Variants in ATG14 observed in about 807,000 individuals in gnomAD.
The protein encoded by ATG14 is beclin 1-associated autophagy-related key regulator.
In ATG14, 35 loss-of-function variants were observed where a neutral mutation model predicts 60.4. The ratio of observed to expected loss-of-function variants is 0.58; its 90% CI spans 0.44 to 0.77. ATG14 has a LOEUF of 0.77. Among genes scored for constraint, ATG14 ranks in the 30% least tolerant of loss-of-function variants. ATG14 has a pLI of 0.00. For synonymous variants in ATG14, 234 were observed against 228.8 expected, an observed-to-expected ratio of 1.02 and a Z score of -0.21; for missense variants, 647 against 626.3, an observed-to-expected ratio of 1.03 and a Z score of -0.35.
intron 9 of ATG14, among the ~76,000 whole-genome samples, chr14:55,375,199 A>C (rs1884894839): frequency 1.3e-5 from 2 of 152,216 alleles, no homozygotes; most frequent in Admixed American, 1.3e-4. Flanking sequence ...ATCATTTTAC[A>C]TATATTTTAT....
chr14:55,411,476 T>C, intron 1 of ATG14, 126 bp downstream of exon 1: 4 of 931,930 alleles, frequency 4.3e-6, no homozygotes, highest in Non-Finnish European at 6.4e-6. Flanking sequence ...CTAGCTACAC[T>C]CCCTCTCTCT....
chr14:55,395,094 T>C, intron 3 of ATG14: 4 of 503,914 alleles, frequency 7.9e-6, no homozygotes, highest in Admixed American at 6.4e-5. Context: ...CTTTTTTGTC[T>C]GAAGATTTAT....
intron 9 of ATG14, among the ~76,000 whole-genome samples, chr14:55,376,506 C>T (rs1164024185): frequency 2.0e-5 from 3 of 152,032 alleles, no homozygotes; most frequent in South Asian, 2.1e-4. Flanking sequence ...AGTTTCCTGG[C>T]GAGTTCACAG....
chr14:55,382,127 C>G lies in ATG14; in HGVS notation c.712G>C (p.Ala238Pro). ...AGGTAAGTTGTCCTCCGGGCTTCAG[C>G]AAGCTTGCTCACAGTGCTGGAGGTC... ...AMTSSTVSKLAEARRTTYLSG... is the reference protein window; with the variant it reads ...AMTSSTVSKLPEARRTTYLSG... The change falls in exon 6 of 10, where the codon GCT becomes CCT. Residue 238 changes from alanine to proline, a missense_variant. Ala to Pro is a conservative substitution (Grantham distance 27). Coordinates refer to ENST00000247178, the MANE Select transcript of ATG14 (RefSeq NM_014924.5). The G allele has an allele frequency of 6.2e-7, 1 of 1,614,116 alleles. No homozygotes were observed. Among genetic ancestry groups the G allele is most frequent in the Non-Finnish European group, 8.5e-7 (1 of 1,180,026 alleles).
At chr14:55,378,238 A>G (rs533354551) in intron 7 of ATG14, among the ~76,000 whole-genome samples, 164 bp from the exon 8 acceptor site, 1 of 152,372 alleles carries the variant, frequency 6.6e-6, no homozygotes, top group South Asian at 2.1e-4. Context: ...CCCCTCAGAG[A>G]ACAATTATAC....
At position 55,380,686 on chromosome 14, in the gene ATG14, C is replaced by T. The variant is rs1018126306; in HGVS notation, c.882G>A (p.Met294Ile). 2 of 1,595,132 alleles carry T rather than the reference C, an allele frequency of 1.3e-6. No individual in the cohort carries two copies. Among genetic ancestry groups the T allele is most frequent in the Non-Finnish European group, 1.7e-6 (2 of 1,171,046 alleles). ...EEKKTTQGPD[M>I]EQSNPAYTIS... ...TGGTGTAGGCAGGGTTACTCTGCTC[C>T]ATGTCTGCAGTAAGAAAACAACCAC... is the stretch of plus-strand genomic sequence containing the variant. Residue 294 changes from methionine to isoleucine, a missense_variant, in exon 7 of 10, where the codon ATG (methionine) becomes ATA (isoleucine). Transcript: ENST00000247178.
chr14:55,372,896 GC>G (rs1259760659), intron 9 of ATG14, among the ~76,000 whole-genome samples: 1 of 152,164 alleles, frequency 6.6e-6, no homozygotes, highest in Non-Finnish European at 1.5e-5. Context: ...CGGAGCAGGC[GC>G]TCAGCTAAGT....
chr14:55,372,120 C>T lies in ATG14; in HGVS notation c.1173-2195G>A, dbSNP rs1884832923. On this transcript the variant is annotated intron_variant, in intron 9 of 9. Coordinates refer to ENST00000247178, the MANE Select transcript of ATG14 (RefSeq NM_014924.5). ...AAATATCCTCTGGTTACTAAACCCT[C>T]AGGCTCATCTCACATATCTGAACCA... Among the ~76,000 whole-genome samples, 3 of 152,162 alleles carry T rather than the reference C, an allele frequency of 2.0e-5. No individual in the cohort carries two copies. The South Asian group carries it at 6.2e-4, about 32-fold the overall frequency.
At position 55,388,588 on chromosome 14, in the gene ATG14, T is replaced by C. The variant is rs546440741; in HGVS notation, c.409+2323A>G. Among the ~76,000 whole-genome samples, 83 of 152,380 alleles carry C rather than the reference T, an allele frequency of 5.4e-4. 6 individuals are homozygous for C. In the South Asian group the frequency reaches 0.017, roughly 31 times the overall value. ...CCTATATCTGTATTATACTATATAA[T>C]GTATATCATGAAACCTTAAGTCAAA... On this transcript the variant is annotated intron_variant, in intron 4 of 9. Coordinates refer to ENST00000247178, the MANE Select transcript of ATG14 (RefSeq NM_014924.5).
intron 1 of ATG14, 115 bp downstream of exon 1, chr14:55,411,487 C>G (rs917169775): frequency 1.1e-5 from 11 of 1,027,670 alleles, no homozygotes; most frequent in Admixed American, 4.9e-5. Flanking sequence ...CCCTCTCTCT[C>G]GCTCCTCTCG....
At chr14:55,410,649 T>C (rs988461529) in intron 1 of ATG14, among the ~76,000 whole-genome samples, 6 of 152,182 alleles carry the variant, frequency 3.9e-5, no homozygotes, top group African/African-American at 1.4e-4. Flanking sequence ...GGTACATAGG[T>C]CCAAGCTGTC....
At chr14:55,386,635 G>C (rs1885130308) in intron 4 of ATG14, among the ~76,000 whole-genome samples, 1 of 152,160 alleles carries the variant, frequency 6.6e-6, no homozygotes, top group Non-Finnish European at 1.5e-5. Flanking sequence ...GGGTGGGTGG[G>C]AACACATCTG....
At chr14:55,375,366 T>C (rs1884897679) in intron 9 of ATG14, among the ~76,000 whole-genome samples, 1 of 152,190 alleles carries the variant, frequency 6.6e-6, no homozygotes, top group Non-Finnish European at 1.5e-5. Context: ...CTTCATTCTG[T>C]CATCCAGGTT....
intron 1 of ATG14, among the ~76,000 whole-genome samples, chr14:55,405,548 C>T (rs1885474686): frequency 6.6e-6 from 1 of 152,138 alleles, no homozygotes; most frequent in Admixed American, 6.5e-5. Flanking sequence ...GATACATTTC[C>T]CCAGGTATCC....
intron 9 of ATG14, among the ~76,000 whole-genome samples, chr14:55,373,417 A>C (rs1229260400): frequency 6.6e-6 from 1 of 152,142 alleles, no homozygotes; most frequent in Non-Finnish European, 1.5e-5. Context: ...AAATATTAAT[A>C]GGTCAATCTG....
At chr14:55,370,885 C>CCCA (rs968308679) in intron 9 of ATG14, among the ~76,000 whole-genome samples, 2 of 152,146 alleles carry the variant, frequency 1.3e-5, no homozygotes, top group African/African-American at 2.4e-5. Flanking sequence ...AAGTGATCCA[C>CCCA]CCACCCCTGC....
intron 4 of ATG14, 38 bp from the exon 5 acceptor site, chr14:55,386,134 A>G (rs1157491893): frequency 1.3e-6 from 2 of 1,557,550 alleles, no homozygotes; most frequent in South Asian, 1.2e-5. Context: ...TTATCTCTGC[A>G]AACAGTTCCT....
chr14:55,411,826 G>A lies in ATG14; in HGVS notation c.-4C>T, dbSNP rs760714685. ...CCTTCCCACTGGGAGACGCCATGAT[G>A]GCCTGAGAGGAGAGCCAGTCACGTG... is the stretch of plus-strand genomic sequence containing the variant. On this transcript the variant is annotated 5_prime_UTR_variant, in exon 1 of 10. Coordinates refer to ENST00000247178, the MANE Select transcript of ATG14 (RefSeq NM_014924.5). 2.9e-5 allele frequency: 46 copies of A among 1,585,372 alleles called. No individual in the cohort carries two copies. Among genetic ancestry groups the A allele is most frequent in the Non-Finnish European group, 3.5e-5 (41 of 1,166,446 alleles).
At chr14:55,379,265 G>C (rs1371773796) in intron 7 of ATG14, among the ~76,000 whole-genome samples, 1 of 152,158 alleles carries the variant, frequency 6.6e-6, no homozygotes, top group Non-Finnish European at 1.5e-5. Flanking sequence ...GCCGGGTGCA[G>C]TGGTTCATGC....
Sources: gnomAD v4.1 joint callset for allele counts (sites outside exome capture counted in the v4.1 genomes callset) on GRCh38, gnomAD v4.1.1 for gene constraint, MANE v1.5 for transcripts, NCBI Gene and HGNC (gene_info 2026-07-23, HGNC 2026-07-21) for gene names.